The following RORB variants were observed in gnomAD, a reference collection of about 807,000 sequenced individuals.
The protein encoded by RORB is RAR related orphan receptor B, also known as nuclear receptor ROR-beta.
RORB carries 6 observed loss-of-function variants against 59.1 expected under a neutral mutation model. The observed-to-expected ratio is 0.10, with a 90% CI of 0.06 to 0.20. RORB has a LOEUF of 0.20. Ranked by LOEUF, RORB falls within the 10% of genes least tolerant of loss-of-function variation. The pLI, the probability that RORB is intolerant of heterozygous loss-of-function variation, is 1.00. For missense variants in RORB, 320 were observed against 560.5 expected (o/e 0.57, Z 4.33); for synonymous variants, 215 against 204.5 (o/e 1.05, Z -0.44).
At chr9:74,645,422 T>A (rs1823879484) in intron 4 of RORB, among the ~76,000 whole-genome samples, 1 of 152,196 alleles carries the variant, frequency 6.6e-6, no homozygotes, top group Non-Finnish European at 1.5e-5. Flanking sequence ...TCAAAGTGCC[T>A]GCATTTAAAA....
chr9:74,561,809 G>T (rs1020847402), intron 1 of RORB, among the ~76,000 whole-genome samples: 1 of 152,058 alleles, frequency 6.6e-6, no homozygotes, highest in Non-Finnish European at 1.5e-5. Context: ...TCTCTTCCAG[G>T]ATCCAATCCA....
At chr9:74,660,208 G>A (rs534839705) in intron 4 of RORB, among the ~76,000 whole-genome samples, 4 of 152,008 alleles carry the variant, frequency 2.6e-5, no homozygotes, top group Admixed American at 6.5e-5. Flanking sequence ...ATATTTTAAT[G>A]CCCCCTTTCT....
chr9:74,609,929 C>A (rs2079566844), intron 1 of RORB, among the ~76,000 whole-genome samples: 1 of 152,182 alleles, frequency 6.6e-6, no homozygotes, highest in African/African-American at 2.4e-5. Flanking sequence ...TTAAAATACA[C>A]AGAACAGCTC....
intron 9 of RORB, among the ~76,000 whole-genome samples, chr9:74,681,881 T>C (rs2118574680): frequency 6.6e-6 from 1 of 152,324 alleles, no homozygotes; most frequent in Middle Eastern, 3.4e-3. Flanking sequence ...TGAATTGCTA[T>C]AAGAAAATGA....
At chr9:74,655,522 C>G (rs1256259698) in intron 4 of RORB, among the ~76,000 whole-genome samples, 1 of 152,184 alleles carries the variant, frequency 6.6e-6, no homozygotes, top group African/African-American at 2.4e-5. Context: ...ATCCTCTGCT[C>G]TTTTACCTCA....
intron 4 of RORB, among the ~76,000 whole-genome samples, chr9:74,650,928 G>C (rs1823979763): frequency 6.6e-6 from 1 of 152,138 alleles, no homozygotes; most frequent in Admixed American, 6.5e-5. Context: ...TGAGGTGGGG[G>C]AGAGATTGCA....
intron 1 of RORB, among the ~76,000 whole-genome samples, chr9:74,576,013 A>G (rs1439096002): frequency 6.6e-6 from 1 of 152,086 alleles, no homozygotes; most frequent in African/African-American, 2.4e-5. Flanking sequence ...AAACCAAAGG[A>G]GTGTGTTTCC....
At chr9:74,674,770 C>T (rs1176504222) in intron 9 of RORB, among the ~76,000 whole-genome samples, 2 of 152,108 alleles carry the variant, frequency 1.3e-5, no homozygotes, top group Non-Finnish European at 2.9e-5. Flanking sequence ...AAAAAAAACC[C>T]TATTAAAACA....
At chr9:74,610,877 G>A (rs901909522) in intron 1 of RORB, among the ~76,000 whole-genome samples, 64 of 152,324 alleles carry the variant, frequency 4.2e-4, no homozygotes, top group African/African-American at 1.4e-3. Context: ...TGGTATCTAA[G>A]AATCTACATG....
intron 1 of RORB, among the ~76,000 whole-genome samples, chr9:74,554,731 A>G (rs1826667932): frequency 1.3e-5 from 2 of 152,218 alleles, no homozygotes; most frequent in African/African-American, 4.8e-5. Flanking sequence ...ACTAGCCTGA[A>G]AATTCAGATG....
Position 74,642,576 on chromosome 9 carries a change from T to C in RORB, c.398T>C (p.Leu133Pro), listed in dbSNP as rs1040181990. The C allele has an allele frequency of 1.9e-6, 3 of 1,614,068 alleles. No homozygotes were observed. The highest frequency in any genetic ancestry group is 2.5e-6 in the Non-Finnish European group (3 of 1,180,042). Reference protein sequence around the residue: ...SSSISNGLSNLNNETSGTYAN... With the variant: ...SSSISNGLSNPNNETSGTYAN... ...AGCATTAGCAACGGCCTGAGCAACC[T>C]GAACAACGAGACCAGCGGCACTTAT... Residue 133 changes from leucine (L) to proline (P), a missense_variant, in exon 4 of 10, where the codon CTG (leucine) becomes CCG (proline). By Grantham distance (98) the Leu-to-Pro change is moderately conservative (BLOSUM62 -3). Coordinates refer to ENST00000376896, the MANE Select transcript of RORB (RefSeq NM_006914.4).
chr9:74,520,440 G>T (rs1826069353), intron 1 of RORB, among the ~76,000 whole-genome samples: 1 of 151,862 alleles, frequency 6.6e-6, no homozygotes, highest in Non-Finnish European at 1.5e-5. Context: ...CATCGGCTAG[G>T]ATCGTTTACC....
At chr9:74,549,485 G>GGAGA (rs776183446) in intron 1 of RORB, among the ~76,000 whole-genome samples, 1 of 133,542 alleles carries the variant, frequency 7.5e-6, no homozygotes, top group Non-Finnish European at 1.6e-5. Context: ...AGGTAGGGAG[G>GGAGA]GAGAGAGAGA....
At chr9:74,556,488 C>T (rs969379145) in intron 1 of RORB, among the ~76,000 whole-genome samples, 3 of 152,146 alleles carry the variant, frequency 2.0e-5, no homozygotes, top group African/African-American at 7.2e-5. Context: ...GAGCCCTGTC[C>T]ATTTATCTGA....
intron 1 of RORB, among the ~76,000 whole-genome samples, chr9:74,588,129 G>A (rs1364183345): frequency 6.6e-6 from 1 of 152,032 alleles, no homozygotes; most frequent in African/African-American, 2.4e-5. Context: ...AATAAGGCAG[G>A]GAAATGGTGG....
At chr9:74,621,880 G>A (rs988707052) in intron 1 of RORB, among the ~76,000 whole-genome samples, 11 of 152,104 alleles carry the variant, frequency 7.2e-5, no homozygotes, top group Non-Finnish European at 1.6e-4. Context: ...CTTTGGTTAA[G>A]TGTCTATTCA....
At chr9:74,526,022 GCTT>G (rs947754168) in intron 1 of RORB, among the ~76,000 whole-genome samples, 5 of 151,860 alleles carry the variant, frequency 3.3e-5, no homozygotes, top group African/African-American at 1.2e-4. Context: ...CTAATTTACA[GCTT>G]CTTCACACAC....
intron 1 of RORB, among the ~76,000 whole-genome samples, chr9:74,583,407 C>G (rs1212818471): frequency 1.3e-5 from 2 of 151,998 alleles, no homozygotes; most frequent in African/African-American, 4.8e-5. Context: ...TGCTTTACAT[C>G]TCTTTTAAGG....
chr9:74,572,545 T>C (rs1178291967), intron 1 of RORB, among the ~76,000 whole-genome samples: 4 of 152,170 alleles, frequency 2.6e-5, no homozygotes, highest in Admixed American at 6.5e-5. Flanking sequence ...GAGGTGATGT[T>C]ATCACCTTTG....
Sources: gnomAD v4.1 joint callset for allele counts (sites outside exome capture counted in the v4.1 genomes callset) on GRCh38, gnomAD v4.1.1 for gene constraint, MANE v1.5 for transcripts, NCBI Gene and HGNC (gene_info 2026-07-23, HGNC 2026-07-21) for gene names.